ULK4: variants seen among roughly 807,000 people sequenced by gnomAD.
The protein encoded by ULK4 is unc-51 like kinase 4.
ULK4 carries 133 observed loss-of-function variants against 160.6 expected under a neutral mutation model. The ratio of observed to expected loss-of-function variants is 0.83; its 90% CI spans 0.72 to 0.96. The LOEUF (loss-of-function observed/expected upper bound fraction) is 0.96. ULK4 is among the 40% of genes least tolerant of loss of function. The probability of loss-of-function intolerance (pLI) is 0.00; values close to 1 mark genes in which losing one functional copy is unlikely to be tolerated. For synonymous variants in ULK4, 534 were observed against 539.8 expected (o/e 0.99, Z 0.15); for missense variants, 1,580 against 1,499.5 (o/e 1.05, Z -0.89).
intron 35 of ULK4, among the ~76,000 whole-genome samples, chr3:41,326,044 C>G (rs574908707): frequency 8.9e-4 from 135 of 152,206 alleles, no homozygotes; most frequent in African/African-American, 3.1e-3. Context: ...AGGTCTTTAT[C>G]ATATCCCAGG....
At chr3:41,252,248 C>A (rs75222382) in intron 35 of ULK4, among the ~76,000 whole-genome samples, 102 of 152,184 alleles carry the variant, frequency 6.7e-4, no homozygotes, top group Non-Finnish European at 1.1e-3. Context: ...AATTACTTGG[C>A]AAAAGCAACC....
chr3:41,491,616 T>C (rs961691049), intron 32 of ULK4, among the ~76,000 whole-genome samples: 5 of 152,152 alleles, frequency 3.3e-5, no homozygotes, highest in Non-Finnish European at 7.4e-5. Flanking sequence ...CCACAACTTA[T>C]AACACGGTAC....
At chr3:41,351,287 A>T (rs1364336451) in intron 35 of ULK4, among the ~76,000 whole-genome samples, 1 of 152,190 alleles carries the variant, frequency 6.6e-6, no homozygotes, top group Non-Finnish European at 1.5e-5. Context: ...TGGGATTGGT[A>T]GTGGATGGCC....
intron 29 of ULK4, 119 bp from the exon 30 acceptor site, chr3:41,663,818 T>C (rs2035264892): frequency 2.5e-6 from 2 of 811,268 alleles, no homozygotes; most frequent in South Asian, 3.3e-5. Context: ...TACACACTAA[T>C]AAAGATTTAA....
intron 25 of ULK4, among the ~76,000 whole-genome samples, chr3:41,714,335 T>C (rs1432681957): frequency 6.6e-6 from 1 of 152,218 alleles, no homozygotes; most frequent in Non-Finnish European, 1.5e-5. Flanking sequence ...ATGAACTTTC[T>C]AGAAAACCAT....
chr3:41,344,241 A>T (rs2080750356), intron 35 of ULK4, among the ~76,000 whole-genome samples: 1 of 152,240 alleles, frequency 6.6e-6, no homozygotes, highest in African/African-American at 2.4e-5. Flanking sequence ...TTCCCTATTT[A>T]ATAAATGGTG....
intron 5 of ULK4, among the ~76,000 whole-genome samples, chr3:41,929,847 CAAAT>C (rs1282999815): frequency 6.6e-6 from 1 of 151,906 alleles, no homozygotes; most frequent in Admixed American, 6.6e-5. Context: ...AGGACACAAA[CAAAT>C]GGAAAAAAAT....
chr3:41,868,749 G>A (rs1244587452), intron 17 of ULK4, among the ~76,000 whole-genome samples: 1 of 151,880 alleles, frequency 6.6e-6, no homozygotes, highest in East Asian at 1.9e-4. Flanking sequence ...CACTCGCCTT[G>A]GCCTCCCTGT....
chr3:41,895,759 A>G (rs1016701394), intron 15 of ULK4, among the ~76,000 whole-genome samples, 195 bp from the exon 16 acceptor site: 1 of 152,164 alleles, frequency 6.6e-6, no homozygotes, highest in Non-Finnish European at 1.5e-5. Flanking sequence ...TAAGAACAGT[A>G]TTTTTAGTTT....
chr3:41,726,147 C>T (rs2037642403), intron 22 of ULK4, among the ~76,000 whole-genome samples: 1 of 152,178 alleles, frequency 6.6e-6, no homozygotes, highest in Admixed American at 6.5e-5. Flanking sequence ...TGCTTAACTA[C>T]CATGGTTTGA....
At chr3:41,435,357 C>A (rs1373222664) in intron 34 of ULK4, among the ~76,000 whole-genome samples, 1 of 152,136 alleles carries the variant, frequency 6.6e-6, no homozygotes, top group Non-Finnish European at 1.5e-5. Context: ...TACTAATGAT[C>A]ACAGGGTGTC....
chr3:41,935,691 A>T, intron 4 of ULK4, 110 bp downstream of exon 4: 1 of 1,309,364 alleles, frequency 7.6e-7, no homozygotes, highest in Non-Finnish European at 1.0e-6. Context: ...ATTAACTAAA[A>T]TTTCAAGATA....
At chr3:41,921,828 CCAGA>C (rs1699195414) in intron 5 of ULK4, among the ~76,000 whole-genome samples, 1 of 152,152 alleles carries the variant, frequency 6.6e-6, no homozygotes. Context: ...ATCCTGCTAT[CCAGA>C]CAAAGAAGTA....
intron 21 of ULK4, among the ~76,000 whole-genome samples, chr3:41,781,318 G>A (rs2039833168): frequency 6.6e-6 from 1 of 151,798 alleles, no homozygotes; most frequent in Admixed American, 6.6e-5. Context: ...TCAGGAGGCT[G>A]AGGCAGGAGA....
At chr3:41,812,217 C>T (rs2125621322) in intron 19 of ULK4, among the ~76,000 whole-genome samples, 1 of 152,178 alleles carries the variant, frequency 6.6e-6, no homozygotes, top group South Asian at 2.1e-4. Flanking sequence ...CCCAGGAGGT[C>T]GAGGCTGCAG....
intron 20 of ULK4, among the ~76,000 whole-genome samples, chr3:41,792,121 A>C (rs1230769440): frequency 6.6e-6 from 1 of 152,160 alleles, no homozygotes; most frequent in Non-Finnish European, 1.5e-5. Context: ...CTAAATTCCA[A>C]ATTGCATGAG....
At chr3:41,550,995 C>T (rs1459939902) in intron 32 of ULK4, among the ~76,000 whole-genome samples, 3 of 151,732 alleles carry the variant, frequency 2.0e-5, no homozygotes, top group African/African-American at 4.8e-5. Context: ...GGAAACTATA[C>T]AAATACATGG....
intron 17 of ULK4, among the ~76,000 whole-genome samples, chr3:41,844,790 T>A (rs75077784): frequency 2.4e-5 from 3 of 125,056 alleles, no homozygotes; most frequent in Non-Finnish European, 1.7e-5. Context: ...GAGGTTTTTC[T>A]AAAAAAAAAA....
intron 30 of ULK4, among the ~76,000 whole-genome samples, chr3:41,646,816 A>C (rs1252884702): frequency 6.6e-6 from 1 of 152,168 alleles, no homozygotes; most frequent in Non-Finnish European, 1.5e-5. Flanking sequence ...TCTCCCCGTC[A>C]CTTTCAGGTA....
Sources: gnomAD v4.1 joint callset for allele counts (sites outside exome capture counted in the v4.1 genomes callset) on GRCh38, gnomAD v4.1.1 for gene constraint, MANE v1.5 for transcripts, NCBI Gene and HGNC (gene_info 2026-07-23, HGNC 2026-07-21) for gene names.